Variants in TMPRSS5 observed in about 807,000 individuals in gnomAD.
The protein encoded by TMPRSS5 is transmembrane serine protease 5, also known as transmembrane protease serine 5.
A neutral mutation model predicts 59.7 loss-of-function variants in TMPRSS5; 45 were observed. The observed-to-expected ratio is 0.75, with a 90% CI of 0.59 to 0.97. The LOEUF (loss-of-function observed/expected upper bound fraction) is 0.97, where lower values mean the gene tolerates loss of function less well. Ranked by LOEUF, TMPRSS5 falls within the 50% of genes least tolerant of loss-of-function variation. The probability of loss-of-function intolerance (pLI) is 0.00; values close to 1 mark genes in which losing one functional copy is unlikely to be tolerated. For synonymous variants in TMPRSS5, 225 were observed against 232.0 expected (o/e 0.97, Z 0.27); for missense variants, 585 against 596.7 (o/e 0.98, Z 0.20).
chr11:113,687,952 A>G lies in TMPRSS5; in HGVS notation c.*308T>C. On this transcript the variant is annotated 3_prime_UTR_variant, in exon 13 of 13. Transcript: ENST00000299882. ...TCCTGCTGCTTCTAGCAGCCTCTTC[A>G]TCTCCAGCTCCTACCTCTCTCCTCC... The G allele has an allele frequency of 3.0e-6, 1 of 335,690 alleles. No homozygotes were observed. The highest frequency in any genetic ancestry group is 1.3e-4 in the South Asian group (1 of 7,592). The allele number at this position is 335,690 out of a possible 1,614,324, so 20.8% of individuals were successfully genotyped here.
At chr11:113,691,941 G>A (rs1952795240) in intron 9 of TMPRSS5, among the ~76,000 whole-genome samples, 1 of 132,226 alleles carries the variant, frequency 7.6e-6, no homozygotes, top group Non-Finnish European at 1.5e-5. Context: ...AGGCTGGAGT[G>A]CAGTGGCATG....
rs375638868 is a variant in TMPRSS5, at chr11:113,690,901, G to T, written c.1003C>A (p.His335Asn). ...CAGCACCGCGAGCCCTTCGGAAAAT[G>T]CTGTTCCTTGGCCGGCAGGCACACA... ...GAVCLPAKEQHFPKGSRCWVS... is the reference protein window; with the variant it reads ...GAVCLPAKEQNFPKGSRCWVS... The change falls in exon 10 of 13, where the codon CAT becomes AAT. Residue 335 changes from histidine to asparagine, a missense_variant. By Grantham distance (68) the His-to-Asn change is moderately conservative. Coordinates refer to ENST00000299882, the MANE Select transcript of TMPRSS5 (RefSeq NM_030770.4). 6.3e-7 allele frequency: 1 copy of T among 1,597,138 alleles called. No homozygotes were observed. Among genetic ancestry groups the T allele is most frequent in the Non-Finnish European group, 8.5e-7 (1 of 1,172,442 alleles).
At chr11:113,701,475 T>TG (rs1336653296) in intron 1 of TMPRSS5, among the ~76,000 whole-genome samples, 1 of 134,866 alleles carries the variant, frequency 7.4e-6, no homozygotes, top group Middle Eastern at 3.6e-3. Context: ...GGAACTTTGG[T>TG]GGTTTTTTTT....
At chr11:113,697,138 T>C in intron 5 of TMPRSS5, 145 bp downstream of exon 5, 1 of 1,306,210 alleles carries the variant, frequency 7.7e-7, no homozygotes, top group Admixed American at 2.0e-5. Flanking sequence ...GGCACCATTG[T>C]GCCCAGAGGC....
intron 6 of TMPRSS5, among the ~76,000 whole-genome samples, chr11:113,695,701 T>C (rs1418725034): frequency 6.6e-6 from 1 of 152,168 alleles, no homozygotes; most frequent in Admixed American, 6.5e-5. Flanking sequence ...GACTTCATGG[T>C]CCTTGCAGAT....
Position 113,696,857 on chromosome 11 carries a change from C to A in TMPRSS5, c.578+1G>T. 1 of 1,557,178 alleles carries A rather than the reference C, an allele frequency of 6.4e-7. No homozygotes were observed. The highest frequency in any genetic ancestry group is 2.4e-5 in the East Asian group (1 of 41,596). On this transcript the variant is annotated splice_donor_variant, in intron 6 of 12. Transcript: ENST00000299882. LOFTEE classifies it high-confidence loss of function. ...TCACCTAACAGCCTCAGTAGTCCTA[C>A]CTGGGCTGCCACGCCTCCTCCAGGA...
At chr11:113,692,754 C>T (rs193009214) in intron 9 of TMPRSS5, among the ~76,000 whole-genome samples, 2 of 152,058 alleles carry the variant, frequency 1.3e-5, no homozygotes, top group African/African-American at 2.4e-5. Flanking sequence ...GGCTAGGACC[C>T]GAGGCTAGCC....
At chr11:113,699,262 T>TCCCTCCCCC in intron 3 of TMPRSS5, among the ~76,000 whole-genome samples, 1 of 93,258 alleles carries the variant, frequency 1.1e-5, no homozygotes, top group Admixed American at 1.2e-4. Flanking sequence ...TCTCTCTCTC[T>TCCCTCCCCC]CTCTCTCTCC....
At chr11:113,691,782 T>C (rs1466295717) in intron 9 of TMPRSS5, among the ~76,000 whole-genome samples, 1 of 151,068 alleles carries the variant, frequency 6.6e-6, no homozygotes, top group Non-Finnish European at 1.5e-5. Context: ...GAAATACTAC[T>C]ACAGTAGATA....
intron 11 of TMPRSS5, 55 bp downstream of exon 11, chr11:113,690,176 G>GGCCGCCCCCCCC: frequency 2.6e-6 from 1 of 388,230 alleles, no homozygotes. Flanking sequence ...CAGGCCCCCT[G>GGCCGCCCCCCCC]CCCTCCCACC....
chr11:113,697,970 G>A (rs1952977165), intron 4 of TMPRSS5, among the ~76,000 whole-genome samples: 1 of 152,178 alleles, frequency 6.6e-6, no homozygotes, highest in Non-Finnish European at 1.5e-5. Flanking sequence ...TTAAGAAGGT[G>A]ATTAAGGTTA....
Position 113,690,239 on chromosome 11 carries a change from C to A in TMPRSS5, c.1198G>T (p.Ala400Ser). 6.6e-7 allele frequency: 1 copy of A among 1,518,352 alleles called. No individual in the cohort carries two copies. The highest frequency in any genetic ancestry group is 8.9e-7 in the Non-Finnish European group (1 of 1,127,848). The allele number at this position is 1,518,352 out of a possible 1,614,324, so 94.1% of individuals were successfully genotyped here. The change falls in exon 11 of 13, where the codon GCA becomes TCA. Residue 400 changes from alanine (A) to serine (S), a missense_variant. Coordinates refer to ENST00000299882, the MANE Select transcript of TMPRSS5 (RefSeq NM_030770.4). Reference protein sequence around the residue: ...CAGYLDGRADACQGDSGGPLV... With the variant: ...CAGYLDGRADSCQGDSGGPLV... Reference sequence around the variant, plus strand: ...GCCACCACAGGCCACACCTGGCATGCATCAGCCCTTCCGTCCAGGTAGCCA... The same window carrying A: ...GCCACCACAGGCCACACCTGGCATGAATCAGCCCTTCCGTCCAGGTAGCCA...
chr11:113,690,694 T>TGG, intron 10 of TMPRSS5, 147 bp downstream of exon 10: 1 of 777,358 alleles, frequency 1.3e-6, no homozygotes, highest in Non-Finnish European at 2.1e-6. Flanking sequence ...CAGGGGAGAC[T>TGG]GGAGACCCTA....
At chr11:113,699,256 T>C (rs59415182) in intron 3 of TMPRSS5, among the ~76,000 whole-genome samples, 916 of 39,632 alleles carry the variant, frequency 0.023, 15 homozygotes, top group Non-Finnish European at 0.03. Flanking sequence ...TCTCTCTCTC[T>C]CTCTCTCTCT....
chr11:113,697,840 A>G (rs1298617218), intron 4 of TMPRSS5, among the ~76,000 whole-genome samples: 3 of 152,156 alleles, frequency 2.0e-5, no homozygotes, highest in African/African-American at 7.2e-5. Context: ...CCAGTTGTTG[A>G]GTGTATGCTT....
chr11:113,702,806 C>T (rs1953179639), intron 1 of TMPRSS5, among the ~76,000 whole-genome samples: 1 of 152,212 alleles, frequency 6.6e-6, no homozygotes, highest in South Asian at 2.1e-4. Flanking sequence ...CAAGCCCAAG[C>T]CTTGGCAGCC....
At chr11:113,690,993 C>A in intron 9 of TMPRSS5, 54 bp from the exon 10 acceptor site, 1 of 1,506,292 alleles carries the variant, frequency 6.6e-7, no homozygotes, top group Non-Finnish European at 9.0e-7. Flanking sequence ...TCCCCCACTG[C>A]AGAGCCTGGG....
chr11:113,693,067 G>A lies in TMPRSS5; in HGVS notation c.964+4C>T, dbSNP rs567777466. 1.4e-4 allele frequency: 194 copies of A among 1,362,664 alleles called. 3 individuals carry two copies. Among genetic ancestry groups the A allele is most frequent in the Admixed American group, 7.9e-4 (36 of 45,746 alleles). 84.4% of individuals were successfully genotyped at this position (1,362,664 alleles called of 1,614,324 possible). ...GCCTGCCCACCCTCAAGCCAGTGCC[G>A]CACCTGAGAAGTTGAGAGCGGTCTG... On this transcript the variant is annotated splice_donor_region_variant and intron_variant, in intron 9 of 12. Coordinates refer to ENST00000299882, the MANE Select transcript of TMPRSS5 (RefSeq NM_030770.4).
At chr11:113,699,106 G>A (rs1389106189) in intron 3 of TMPRSS5, 79 bp from the exon 4 acceptor site, 10 of 1,517,860 alleles carry the variant, frequency 6.6e-6, no homozygotes, top group Non-Finnish European at 8.9e-6. Context: ...CAGCCACCTT[G>A]CTCTCAGGCA....
Sources: gnomAD v4.1 joint callset for allele counts (sites outside exome capture counted in the v4.1 genomes callset) on GRCh38, gnomAD v4.1.1 for gene constraint, MANE v1.5 for transcripts, NCBI Gene and HGNC (gene_info 2026-07-23, HGNC 2026-07-21) for gene names.